The following ANKRD44 variants were observed in gnomAD, a reference collection of about 807,000 sequenced individuals.
ANKRD44 encodes the protein serine/threonine-protein phosphatase 6 regulatory ankyrin repeat subunit B.
ANKRD44 carries 35 observed loss-of-function variants against 116.0 expected under a neutral mutation model. The observed-to-expected ratio is 0.30, with a 90% CI of 0.23 to 0.40. The LOEUF is 0.40. Ranked by LOEUF, ANKRD44 falls within the 10% of genes least tolerant of loss-of-function variation. ANKRD44 has a pLI of 1.00. For synonymous variants in ANKRD44, 435 were observed against 461.8 expected (o/e 0.94, Z 0.74); for missense variants, 1,014 against 1,242.6 (o/e 0.82, Z 2.77).
chr2:197,187,674 CT>C (rs2080716814), intron 1 of ANKRD44, among the ~76,000 whole-genome samples: 3 of 151,932 alleles, frequency 2.0e-5, no homozygotes, highest in South Asian at 4.2e-4. Context: ...CTCTCTCTCT[CT>C]CTCCCTCTTC....
chr2:197,263,440 C>G, intron 1 of ANKRD44: 1 of 562,732 alleles, frequency 1.8e-6, no homozygotes, highest in South Asian at 1.9e-5. Context: ...TCTGAAACAA[C>G]AGCTCTTCTC....
chr2:197,078,309 AC>A lies in ANKRD44; in HGVS notation c.1650+393del. 3 of 208,870 alleles carry A rather than the reference AC, an allele frequency of 1.4e-5. No individual in the cohort carries two copies. In the South Asian group the frequency reaches 2.1e-4, roughly 15 times the overall value. The allele number at this position is 208,870 out of a possible 1,614,324, so 12.9% of individuals were successfully genotyped here. On this transcript the variant is annotated intron_variant, in intron 16 of 27. Transcript: ENST00000282272. ...GATTACCACACACACACACACACACACACACACACACACACACGCATACACA... is the reference window on the plus strand; with the variant it reads ...GATTACCACACACACACACACACACAACACACACACACACACGCATACACA...
intron 2 of ANKRD44, among the ~76,000 whole-genome samples, chr2:197,157,776 G>T (rs749838716): frequency 4.6e-5 from 7 of 151,594 alleles, no homozygotes; most frequent in Non-Finnish European, 8.8e-5. Flanking sequence ...TGTGTACTGA[G>T]TAAGGATGTA....
At chr2:197,097,874 C>T (rs4387815) in intron 10 of ANKRD44, among the ~76,000 whole-genome samples, 119,761 of 152,196 alleles carry the variant, frequency 0.79, 49,396 homozygotes, top group East Asian at 0.98. Context: ...ACTTGCGAAG[C>T]CCTTTGAGAT....
At chr2:196,974,391 A>G (rs1171715018) in intron 21 of ANKRD44, among the ~76,000 whole-genome samples, 2 of 152,240 alleles carry the variant, frequency 1.3e-5, no homozygotes, top group East Asian at 3.9e-4. Context: ...CCAAAACAAC[A>G]TATTCCTTAA....
At chr2:196,979,224 G>A (rs1014005181) in intron 21 of ANKRD44, among the ~76,000 whole-genome samples, 8 of 151,632 alleles carry the variant, frequency 5.3e-5, no homozygotes, top group Non-Finnish European at 1.0e-4. Flanking sequence ...GTGAAACCCC[G>A]TCTCTACTAA....
chr2:197,024,473 T>C (rs2076553286), intron 17 of ANKRD44, among the ~76,000 whole-genome samples: 1 of 152,212 alleles, frequency 6.6e-6, no homozygotes, highest in South Asian at 2.1e-4. Context: ...CAGCTGCTGA[T>C]GGCCAACTCT....
chr2:197,224,790 G>A (rs181151380), intron 1 of ANKRD44, among the ~76,000 whole-genome samples: 1 of 152,236 alleles, frequency 6.6e-6, no homozygotes, highest in Admixed American at 6.5e-5. Context: ...ATAAACATTG[G>A]TTGTTTCTAA....
intron 1 of ANKRD44, among the ~76,000 whole-genome samples, chr2:197,294,111 A>G (rs2083648239): frequency 6.6e-6 from 1 of 152,196 alleles, no homozygotes; most frequent in Non-Finnish European, 1.5e-5. Context: ...TCTAATGCTC[A>G]TCTCCTGTCT....
rs2078967865 is a variant in ANKRD44, at chr2:197,126,055, T to C, written c.262-18A>G. ...ACTGCTTCCTACAACAAAAGCAGAG[T>C]TTGCAGAGGTCACTGACAGACGTTC... On this transcript the variant is annotated intron_variant, in intron 4 of 27. Coordinates refer to ENST00000282272, the MANE Select transcript of ANKRD44 (RefSeq NM_001195144.2). 1 of 1,613,504 alleles carries C rather than the reference T, an allele frequency of 6.2e-7. No individual in the cohort carries two copies.
chr2:197,195,868 C>G (rs1158878822), intron 1 of ANKRD44, among the ~76,000 whole-genome samples: 4 of 152,212 alleles, frequency 2.6e-5, no homozygotes, highest in African/African-American at 9.7e-5. Context: ...GATCTGCTGC[C>G]AACTACCCAC....
At chr2:196,995,501 A>G (rs770748715) in intron 25 of ANKRD44, 40 bp from the exon 26 acceptor site, 2 of 1,456,216 alleles carry the variant, frequency 1.4e-6, no homozygotes, top group Non-Finnish European at 1.9e-6. Context: ...CAAGATAGAG[A>G]CACAGAAAAG....
intron 1 of ANKRD44, among the ~76,000 whole-genome samples, chr2:197,265,887 G>A (rs903545791): frequency 4.6e-5 from 7 of 151,970 alleles, no homozygotes; most frequent in South Asian, 4.2e-4. Flanking sequence ...GTTCTAATCC[G>A]AAAAACCTAT....
chr2:197,100,657 A>T (rs2078271728), intron 9 of ANKRD44, among the ~76,000 whole-genome samples: 1 of 152,208 alleles, frequency 6.6e-6, no homozygotes, highest in Non-Finnish European at 1.5e-5. Flanking sequence ...ACCAAAGGGG[A>T]TGGACAGTTC....
chr2:196,996,497 G>T (rs2076013928), intron 25 of ANKRD44, among the ~76,000 whole-genome samples: 1 of 152,168 alleles, frequency 6.6e-6, no homozygotes, highest in South Asian at 2.1e-4. Context: ...ATAATGCCTT[G>T]TATGGGAGAC....
intron 16 of ANKRD44, among the ~76,000 whole-genome samples, chr2:197,057,029 G>A (rs2077216341): frequency 6.6e-6 from 1 of 152,112 alleles, no homozygotes; most frequent in Admixed American, 6.6e-5. Flanking sequence ...AGGACTCTCA[G>A]TCCAATACTG....
intron 2 of ANKRD44, among the ~76,000 whole-genome samples, chr2:197,153,225 CAAAAAAAAAAAAA>C (rs75600123): frequency 4.3e-4 from 30 of 69,354 alleles, no homozygotes; most frequent in African/African-American, 1.1e-3. Flanking sequence ...AAGACCCTGC[CAAAAAAAAAAAAA>C]AAAAAAAAAG....
rs976353321 is a variant in ANKRD44, at chr2:197,203,390, A to G, written c.28-16284T>C. Among the ~76,000 whole-genome samples, 6 of 152,218 alleles carry G rather than the reference A, an allele frequency of 3.9e-5. No individual in the cohort carries two copies. Among genetic ancestry groups the G allele is most frequent in the African/African-American group, 1.2e-4 (5 of 41,442 alleles). ...TACTTCACCATTTCTGGTGTGTGTG[A>G]GATACCATTTCACACACACTAGATG... On this transcript the variant is annotated intron_variant, in intron 1 of 27. Transcript: ENST00000282272. This position sits in a 1 kb window ranked among gnomAD's most constrained non-coding sequence, Gnocchi z 4.1.
At position 196,993,659 on chromosome 2, in the gene ANKRD44, A is replaced by G; in HGVS notation, c.2847T>C (p.Ala949=). The G allele has an allele frequency of 1.3e-6, 2 of 1,550,912 alleles. No homozygotes were observed. Among genetic ancestry groups the G allele is most frequent in the Non-Finnish European group, 1.7e-6 (2 of 1,146,992 alleles). Reference sequence around the variant, plus strand: ...CTACCACCTTTAAGCCATTGCGCGCAGCGACGTGGAGGGGTCTAAAAAACA... The same window carrying G: ...CTACCACCTTTAAGCCATTGCGCGCGGCGACGTGGAGGGGTCTAAAAAACA... The part of the protein sequence containing the change: ...NNALQTPLHV[A]ARNGLKVVVE... The change falls in exon 27 of 28, where the codon GCT becomes GCC. Residue 949 remains alanine, a synonymous_variant. Transcript: ENST00000282272.
Sources: allele counts gnomAD v4.1 joint callset (sites outside exome capture counted in the v4.1 genomes callset), GRCh38; gene constraint gnomAD v4.1.1; non-coding constraint Gnocchi (gnomAD v3.1); transcripts MANE v1.5; gene names NCBI Gene and HGNC (gene_info 2026-07-23, HGNC 2026-07-21).